The following SLC7A2 variants were observed in gnomAD, a reference collection of about 807,000 sequenced individuals.
SLC7A2 encodes the protein solute carrier family 7 member 2, also known as cationic amino acid transporter 2.
In SLC7A2, 48 loss-of-function variants were observed where a neutral mutation model predicts 58.9. The ratio of observed to expected loss-of-function variants is 0.82; its 90% CI spans 0.65 to 1.04. SLC7A2 has a LOEUF of 1.04. Ranked by LOEUF, SLC7A2 falls within the 50% of genes least tolerant of loss-of-function variation. The pLI is 0.00. For missense variants in SLC7A2, 1,029 were observed against 818.8 expected, an observed-to-expected ratio of 1.26 and a Z score of -3.13; for synonymous variants, 363 against 314.5, an observed-to-expected ratio of 1.15 and a Z score of -1.63.
intron 1 of SLC7A2, among the ~76,000 whole-genome samples, chr8:17,500,841 CACAG>C (rs1258252817): frequency 1.4e-5 from 2 of 140,992 alleles, no homozygotes; most frequent in Admixed American, 7.2e-5. Context: ...CACACACACA[CACAG>C]AATCCCAGCC....
At chr8:17,541,523 C>G (rs1801910336) in intron 2 of SLC7A2, among the ~76,000 whole-genome samples, 1 of 152,144 alleles carries the variant, frequency 6.6e-6, no homozygotes, top group Admixed American at 6.6e-5. Context: ...GGAACGTGTC[C>G]TCTATTTTTT....
At chr8:17,544,122 G>A (rs1383359817) in intron 3 of SLC7A2, among the ~76,000 whole-genome samples, 8 of 152,132 alleles carry the variant, frequency 5.3e-5, no homozygotes, top group Admixed American at 1.3e-4. Context: ...CACTCACCTC[G>A]GCCTCCCAAA....
intron 2 of SLC7A2, among the ~76,000 whole-genome samples, chr8:17,516,215 T>G (rs544423210): frequency 1.7e-4 from 17 of 102,950 alleles, no homozygotes; most frequent in Admixed American, 1.6e-3. Flanking sequence ...TTTATTTATT[T>G]AATTAATTAA....
rs752298829 is a variant in SLC7A2 at position 17,544,440 on chromosome 8, G to A, written c.377-11G>A. 1 of 1,612,974 alleles carries A rather than the reference G, an allele frequency of 6.2e-7. No individual in the cohort carries two copies. Among genetic ancestry groups the A allele is most frequent in the East Asian group, 2.2e-5 (1 of 44,856 alleles). On this transcript the variant is annotated splice_polypyrimidine_tract_variant and intron_variant, in intron 3 of 12. Coordinates refer to ENST00000494857, the MANE Select transcript of SLC7A2 (RefSeq NM_001370338.1). The stretch of plus-strand genomic sequence containing the variant: ...CCAGTGACTTCGTATTCTCTGTTCT[G>A]TTTTGGGAAGGTACATCAAGTGTTG...
rs146294047 is a variant in SLC7A2 at position 17,560,623 on chromosome 8, C to T, written c.1504+90C>T. 317 of 1,118,530 alleles carry T rather than the reference C, an allele frequency of 2.8e-4. 1 individual carries two copies. The African/African-American group carries it at 4.2e-3, about 15-fold the overall frequency. The allele number at this position is 1,118,530 out of a possible 1,614,324, so 69.3% of individuals were successfully genotyped here. On this transcript the variant is annotated intron_variant, in intron 10 of 12. Transcript: ENST00000494857. The stretch of plus-strand genomic sequence containing the variant: ...ATATGAAAGAGAAAAGAGGGCCTAA[C>T]ATTGCCCTAGAATATATTAGCAACC...
At chr8:17,496,671 GC>G (rs1052814543), upstream of SLC7A2, among the ~76,000 whole-genome samples, 91 of 152,266 alleles carry the variant, frequency 6.0e-4, no homozygotes, top group African/African-American at 2.0e-3. Flanking sequence ...ATTTATCATT[GC>G]TATTATTATA....
At chr8:17,510,135 G>A (rs1376232291) in intron 2 of SLC7A2, among the ~76,000 whole-genome samples, 2 of 151,958 alleles carry the variant, frequency 1.3e-5, no homozygotes, top group Non-Finnish European at 1.5e-5. Context: ...CAGGAGCATC[G>A]CTTGAACCTG....
At chr8:17,535,690 G>A (rs1057283344) in intron 2 of SLC7A2, among the ~76,000 whole-genome samples, 1 of 152,178 alleles carries the variant, frequency 6.6e-6, no homozygotes, top group Non-Finnish European at 1.5e-5. Flanking sequence ...ATCACTTGAG[G>A]TAGGGAGTTC....
chr8:17,510,792 A>G (rs186119390), intron 2 of SLC7A2: 262 of 152,322 alleles, frequency 1.7e-3, no homozygotes, highest in African/African-American at 6.1e-3. Context: ...CTAGGAAAAC[A>G]CATCCAAACC....
At position 17,553,709 on chromosome 8, in the gene SLC7A2, T is replaced by A. The variant is rs555891710; in HGVS notation, c.1056-851T>A. ...GGGAGGATCGCTTGAGCCCAGGAGT[T>A]TGAGGGCACAGTGAGCTATGATCGT... is the stretch of plus-strand genomic sequence containing the variant. On this transcript the variant is annotated intron_variant, in intron 7 of 12. Transcript: ENST00000494857. Among the ~76,000 whole-genome samples the A allele has an allele frequency of 3.1e-4, 47 of 152,248 alleles. No individual in the cohort carries two copies. The Middle Eastern group carries it at 0.01, about 33-fold the overall frequency.
rs759879718 is a variant in SLC7A2 at position 17,550,389 on chromosome 8, A to C, written c.787A>C (p.Thr263Pro). ...GFTGTLAGAA[T>P]CFYAFVGFDC... ...TACGGGAACGTTGGCTGGTGCTGCA[A>C]CTTGCTTTTATGCCTTTGTGGGATT... Residue 263 changes from threonine (T) to proline (P), a missense_variant, in exon 6 of 13, where the codon ACT (threonine) becomes CCT (proline). Thr to Pro is a conservative substitution (Grantham distance 38). Transcript: ENST00000494857. The C allele has an allele frequency of 2.5e-6, 4 of 1,613,892 alleles. No individual in the cohort carries two copies. Among genetic ancestry groups the C allele is most frequent in the Non-Finnish European group, 3.4e-6 (4 of 1,179,966 alleles).
Position 17,506,253 on chromosome 8 carries a change from G to T in SLC7A2, c.-23+3951G>T, listed in dbSNP as rs753377887. The stretch of plus-strand genomic sequence containing the variant: ...AGCTGTGAAAACAAGTGCTGGGCTG[G>T]TGCCTGCTTTAAACTCTCTTGAAAC... On this transcript the variant is annotated intron_variant, in intron 2 of 12. Coordinates refer to ENST00000494857, the MANE Select transcript of SLC7A2 (RefSeq NM_001370338.1). Among the ~76,000 whole-genome samples the T allele has an allele frequency of 4.6e-5, 7 of 152,234 alleles. No homozygotes were observed. The East Asian group carries it at 1.2e-3, about 25-fold the overall frequency.
chr8:17,563,567 T>C, intron 11 of SLC7A2, 36 bp from the exon 12 acceptor site: 1 of 1,269,754 alleles, frequency 7.9e-7, no homozygotes, highest in Non-Finnish European at 1.1e-6. Flanking sequence ...TGCTTCAAAA[T>C]ATGAGTATGT....
chr8:17,495,026 T>G (rs1223888365), upstream of SLC7A2, among the ~76,000 whole-genome samples: 1 of 152,240 alleles, frequency 6.6e-6, no homozygotes, highest in East Asian at 1.9e-4. Context: ...CCCAAATCAT[T>G]GTGTTGTAAC....
At chr8:17,546,698 C>G (rs1202211853) in intron 4 of SLC7A2, among the ~76,000 whole-genome samples, 2 of 152,088 alleles carry the variant, frequency 1.3e-5, no homozygotes, top group African/African-American at 4.8e-5. Context: ...AGGAATTACA[C>G]AGGTAGAAAT....
intron 2 of SLC7A2, chr8:17,538,740 C>T: frequency 2.6e-6 from 4 of 1,553,362 alleles, no homozygotes; most frequent in Non-Finnish European, 3.5e-6. Flanking sequence ...AAGATCCCTA[C>T]TTATCTATAC....
chr8:17,551,651 G>GA, intron 6 of SLC7A2, 113 bp from the exon 7 acceptor site: 1 of 767,540 alleles, frequency 1.3e-6, no homozygotes, highest in Non-Finnish European at 2.3e-6. Context: ...TAAGAAAAGG[G>GA]ACAAAAGCAG....
intron 2 of SLC7A2, among the ~76,000 whole-genome samples, chr8:17,542,593 G>C (rs916422131): frequency 6.6e-6 from 1 of 151,806 alleles, no homozygotes; most frequent in Non-Finnish European, 1.5e-5. Context: ...TGAGGCTTCA[G>C]TGAGCTATGA....
chr8:17,546,383 G>A (rs1802174073), intron 4 of SLC7A2, among the ~76,000 whole-genome samples: 1 of 152,158 alleles, frequency 6.6e-6, no homozygotes, highest in Non-Finnish European at 1.5e-5. Context: ...AACCTCCTAT[G>A]TAAATCCCTA....
Sources: allele counts gnomAD v4.1 joint callset (sites outside exome capture counted in the v4.1 genomes callset), GRCh38; gene constraint gnomAD v4.1.1; transcripts MANE v1.5; gene names NCBI Gene and HGNC (gene_info 2026-07-23, HGNC 2026-07-21).